The following FHOD3 variants were observed in gnomAD, a reference collection of about 807,000 sequenced individuals.
The protein encoded by FHOD3 is formin homology 2 domain containing 3.
Under a neutral mutation model 173.0 loss-of-function variants are expected in FHOD3, and 90 were observed. That is an observed-to-expected ratio of 0.52 (90% confidence interval 0.44 to 0.62). The LOEUF is 0.62. Among genes scored for constraint, FHOD3 ranks in the 20% least tolerant of loss-of-function variants. The pLI is 0.00. For synonymous variants in FHOD3, 828 were observed against 823.0 expected (o/e 1.01, Z -0.10); for missense variants, 1,945 against 2,034.7 (o/e 0.96, Z 0.85).
chr18:36,673,072 A>C (rs1351212121), intron 14 of FHOD3, among the ~76,000 whole-genome samples: 1 of 152,182 alleles, frequency 6.6e-6, no homozygotes, highest in Non-Finnish European at 1.5e-5. Flanking sequence ...TCATCGAAAA[A>C]GAAAGACTGT....
chr18:36,522,830 A>G (rs754843217), intron 5 of FHOD3, among the ~76,000 whole-genome samples: 3 of 152,250 alleles, frequency 2.0e-5, no homozygotes, highest in Non-Finnish European at 4.4e-5. Context: ...GTGCATGATC[A>G]GGAGATGTGA....
At chr18:36,313,904 G>A (rs959238590) in intron 1 of FHOD3, among the ~76,000 whole-genome samples, 1 of 148,594 alleles carries the variant, frequency 6.7e-6, no homozygotes, top group Non-Finnish European at 1.5e-5. Flanking sequence ...TTTTTTTTGA[G>A]ACAGAGTTGC....
At chr18:36,302,321 A>G (rs544960681) in intron 1 of FHOD3, among the ~76,000 whole-genome samples, 21 of 152,284 alleles carry the variant, frequency 1.4e-4, no homozygotes, top group Non-Finnish European at 2.8e-4. Flanking sequence ...GATAGAATCT[A>G]GCTACTCCAA....
At chr18:36,454,824 C>T (rs1168905917) in intron 3 of FHOD3, among the ~76,000 whole-genome samples, 2 of 152,140 alleles carry the variant, frequency 1.3e-5, no homozygotes, top group African/African-American at 4.8e-5. Flanking sequence ...AACTTTCAAC[C>T]AGGTGTTCCA....
intron 24 of FHOD3, among the ~76,000 whole-genome samples, chr18:36,750,116 T>G (rs113962907): frequency 6.6e-6 from 1 of 152,088 alleles, no homozygotes; most frequent in South Asian, 2.1e-4. Context: ...GGTGAAACCC[T>G]GTCTCTACTA....
intron 2 of FHOD3, among the ~76,000 whole-genome samples, chr18:36,371,522 C>T (rs942808043): frequency 1.3e-5 from 2 of 152,122 alleles, no homozygotes; most frequent in Non-Finnish European, 2.9e-5. Flanking sequence ...TCAGTTACCT[C>T]CCATGACTTT....
At chr18:36,467,436 T>C (rs984337670) in intron 3 of FHOD3, among the ~76,000 whole-genome samples, 5 of 152,130 alleles carry the variant, frequency 3.3e-5, no homozygotes, top group African/African-American at 1.2e-4. Context: ...TAATACCACC[T>C]TGTGGTTACC....
At chr18:36,653,254 T>G (rs927152668) in intron 12 of FHOD3, 88 bp from the exon 13 acceptor site, 1 of 1,031,720 alleles carries the variant, frequency 9.7e-7, no homozygotes, top group Admixed American at 2.4e-5. Flanking sequence ...CCAGGTGGCA[T>G]GAAGTCTTTT....
chr18:36,571,811 A>G (rs1203947430), intron 5 of FHOD3, among the ~76,000 whole-genome samples: 1 of 152,234 alleles, frequency 6.6e-6, no homozygotes, highest in Non-Finnish European at 1.5e-5. Context: ...ATGAACCTCA[A>G]TCTATGCTTC....
intron 1 of FHOD3, among the ~76,000 whole-genome samples, chr18:36,322,354 G>A (rs974357803): frequency 1.3e-5 from 2 of 152,160 alleles, no homozygotes; most frequent in Admixed American, 6.5e-5. Flanking sequence ...AGAGGGTTAT[G>A]GGGGAGGAAC....
intron 1 of FHOD3, among the ~76,000 whole-genome samples, chr18:36,312,779 G>T (rs1254860584): frequency 6.6e-6 from 1 of 152,166 alleles, no homozygotes; most frequent in African/African-American, 2.4e-5. Flanking sequence ...GAAAATGTGG[G>T]TGCCTATATT....
chr18:36,471,545 C>A (rs1279008263), intron 3 of FHOD3, among the ~76,000 whole-genome samples: 3 of 152,232 alleles, frequency 2.0e-5, no homozygotes, highest in South Asian at 2.1e-4. Flanking sequence ...GAAGTCCAGG[C>A]AATTAGGATC....
At position 36,421,496 on chromosome 18, in the gene FHOD3, A is replaced by G. The variant is rs185174888; in HGVS notation, c.337+48752A>G. 1.1e-4 allele frequency among the ~76,000 whole-genome samples: 16 copies of G among 152,316 alleles called. No homozygotes were observed. The East Asian group carries it at 1.7e-3, about 17-fold the overall frequency. On this transcript the variant is annotated intron_variant, in intron 3 of 28. Coordinates refer to ENST00000590592, the MANE Select transcript of FHOD3 (RefSeq NM_001281740.3). ...GCCTAAAACAAAACTGAGATTGCATATGATTGGTTTTTATGGCTTCCATTT... is the reference window on the plus strand; with the variant it reads ...GCCTAAAACAAAACTGAGATTGCATGTGATTGGTTTTTATGGCTTCCATTT...
intron 3 of FHOD3, among the ~76,000 whole-genome samples, chr18:36,475,312 G>C (rs1361631638): frequency 6.6e-6 from 1 of 152,112 alleles, no homozygotes; most frequent in Non-Finnish European, 1.5e-5. Context: ...TACATGCAGA[G>C]ATGGTGTCCT....
At position 36,755,140 on chromosome 18, in the gene FHOD3, T is replaced by C. The variant is rs1302367060; in HGVS notation, c.4254T>C (p.Phe1418=). 6.2e-7 allele frequency: 1 copy of C among 1,609,448 alleles called. No homozygotes were observed. The highest frequency in any genetic ancestry group is 1.7e-5 in the Admixed American group (1 of 59,272). The change falls in exon 25 of 29, where the codon TTT becomes TTC. Residue 1418 remains phenylalanine, a synonymous_variant. Coordinates refer to ENST00000590592, the MANE Select transcript of FHOD3 (RefSeq NM_001281740.3). ...IINRFHSFLL[F]MGHPPYAIRE... ...GCAGATTCCACTCCTTTTTACTCTT[T>C]ATGGGCCATCCACCTTATGCAATTC...
At position 36,769,275 on chromosome 18, in the gene FHOD3, T is replaced by C; in HGVS notation, c.4635T>C (p.Ser1545=). The C allele has an allele frequency of 6.2e-7, 1 of 1,614,142 alleles. No individual in the cohort carries two copies. The highest frequency in any genetic ancestry group is 2.2e-5 in the East Asian group (1 of 44,874). The change falls in exon 28 of 29, where the codon AGT becomes AGC. Residue 1545 remains serine, a synonymous_variant. Transcript: ENST00000590592. ...TRSRASRGST[S]SWTMGTDDSP... ...CTGTTTAATTTTTAGGATCCACTAG[T>C]TCCTGGACTATGGGAACTGATGACT...
chr18:36,572,813 A>G (rs1412987039), intron 5 of FHOD3, among the ~76,000 whole-genome samples: 3 of 152,100 alleles, frequency 2.0e-5, no homozygotes, highest in African/African-American at 4.8e-5. Context: ...TAAAGAGTCT[A>G]CCTTCTCTCT....
chr18:36,653,001 C>A (rs1239363961), intron 12 of FHOD3, 72 bp downstream of exon 12: 5 of 1,448,674 alleles, frequency 3.5e-6, no homozygotes, highest in Non-Finnish European at 3.6e-6. Flanking sequence ...AACTGCACCC[C>A]TTGGCTTGGC....
intron 3 of FHOD3, among the ~76,000 whole-genome samples, chr18:36,449,114 A>G (rs1299179536): frequency 6.6e-6 from 1 of 152,060 alleles, no homozygotes; most frequent in Non-Finnish European, 1.5e-5. Context: ...AATCCCTAAT[A>G]GTAGAGCTTC....
Sources: gnomAD v4.1 joint callset for allele counts (sites outside exome capture counted in the v4.1 genomes callset) on GRCh38, gnomAD v4.1.1 for gene constraint, MANE v1.5 for transcripts, NCBI Gene and HGNC (gene_info 2026-07-23, HGNC 2026-07-21) for gene names.